LMCD1: variants seen among roughly 807,000 people sequenced by gnomAD.
The protein encoded by LMCD1 is LIM and cysteine-rich domains protein 1.
LMCD1 carries 32 observed loss-of-function variants against 42.7 expected under a neutral mutation model. That is an observed-to-expected ratio of 0.75 (90% CI 0.57 to 1.01). The LOEUF is 1.01. Ranked by LOEUF, LMCD1 falls within the 50% of genes least tolerant of loss-of-function variation. The pLI is 0.00. For missense variants in LMCD1, 458 were observed against 483.1 expected (o/e 0.95, Z 0.49); for synonymous variants, 178 against 184.9 (o/e 0.96, Z 0.30).
chr3:8,505,422 A>G (rs966080560), intron 1 of LMCD1, among the ~76,000 whole-genome samples: 1 of 152,218 alleles, frequency 6.6e-6, no homozygotes, highest in African/African-American at 2.4e-5. Flanking sequence ...GGAGTGCCTT[A>G]CTTTTTAGAT....
intron 1 of LMCD1, among the ~76,000 whole-genome samples, chr3:8,514,448 C>T (rs547337447): frequency 1.3e-5 from 2 of 152,276 alleles, no homozygotes; most frequent in South Asian, 4.1e-4. Context: ...GGAAAGCTGT[C>T]TGGTAGTATC....
In LMCD1 at chr3:8,555,186, T is replaced by TC. The variant is rs1462743231; in HGVS notation, c.723+6290dup. 5.0e-5 allele frequency among the ~76,000 whole-genome samples: 7 copies of TC among 140,476 alleles called. No individual in the cohort carries two copies. In the East Asian group the frequency reaches 6.8e-4, roughly 14 times the overall value. The allele number at this position is 140,476 out of a possible 152,430, so 92.2% of individuals were successfully genotyped here. On this transcript the variant is annotated intron_variant, in intron 4 of 5. Coordinates refer to ENST00000157600, the MANE Select transcript of LMCD1 (RefSeq NM_014583.4). Reference sequence around the variant, plus strand: ...GGACGGGAGGCCTCCGTCCCCTCCCTCCCCCCCGCCAAAGGTCTGCTTTTC... The same window carrying TC: ...GGACGGGAGGCCTCCGTCCCCTCCCTCCCCCCCCGCCAAAGGTCTGCTTTTC...
At chr3:8,521,714 G>A (rs1694208406) in intron 1 of LMCD1, among the ~76,000 whole-genome samples, 1 of 152,226 alleles carries the variant, frequency 6.6e-6, no homozygotes, top group South Asian at 2.1e-4. Flanking sequence ...GGGGCAGATA[G>A]TCTCCTATCT....
chr3:8,539,326 T>C (rs529092662), intron 3 of LMCD1, among the ~76,000 whole-genome samples: 5 of 152,336 alleles, frequency 3.3e-5, no homozygotes, highest in Admixed American at 3.3e-4. Context: ...TCAGCATCCA[T>C]GGACTCGATC....
chr3:8,508,634 T>C (rs1377291494), intron 1 of LMCD1, among the ~76,000 whole-genome samples: 1 of 152,158 alleles, frequency 6.6e-6, no homozygotes, highest in Non-Finnish European at 1.5e-5. Context: ...GGGGGAGAAA[T>C]GGCATATCTG....
At chr3:8,528,812 TGAGA>T (rs1694350526) in intron 1 of LMCD1, among the ~76,000 whole-genome samples, 1 of 152,164 alleles carries the variant, frequency 6.6e-6, no homozygotes, top group Non-Finnish European at 1.5e-5. Context: ...GGCAAATGCT[TGAGA>T]GAGGAGTCCC....
chr3:8,521,268 G>A (rs959895961), intron 1 of LMCD1, among the ~76,000 whole-genome samples: 5 of 152,100 alleles, frequency 3.3e-5, no homozygotes, highest in East Asian at 1.9e-4. Context: ...CAAGGAGCCC[G>A]TGTCCTGGGC....
intron 4 of LMCD1, among the ~76,000 whole-genome samples, chr3:8,551,442 T>C (rs916357380): frequency 3.6e-4 from 55 of 152,316 alleles, no homozygotes; most frequent in African/African-American, 1.3e-3. Context: ...TCTGGTAGGA[T>C]GAATTTTACC....
At chr3:8,504,504 C>T (rs1693835914) in intron 1 of LMCD1, among the ~76,000 whole-genome samples, 1 of 152,166 alleles carries the variant, frequency 6.6e-6, no homozygotes. Flanking sequence ...GGCGGGAATC[C>T]CCACCAACTG....
chr3:8,537,002 T>C (rs1183614300), intron 2 of LMCD1, among the ~76,000 whole-genome samples, 183 bp from the exon 3 acceptor site: 3 of 152,218 alleles, frequency 2.0e-5, no homozygotes, highest in Non-Finnish European at 2.9e-5. Flanking sequence ...ACAAACACTG[T>C]CATTTCCCAA....
chr3:8,536,527 T>C (rs1361794063), intron 2 of LMCD1, among the ~76,000 whole-genome samples: 1 of 152,176 alleles, frequency 6.6e-6, no homozygotes, highest in Non-Finnish European at 1.5e-5. Context: ...CTGGGTCCTG[T>C]TCACAAATTT....
chr3:8,541,984 A>G (rs1001255407), intron 3 of LMCD1, among the ~76,000 whole-genome samples: 4 of 149,392 alleles, frequency 2.7e-5, no homozygotes, highest in Admixed American at 1.3e-4. Flanking sequence ...TGACCATGCA[A>G]AGACAGAGAG....
chr3:8,567,139 C>A (rs1695143774), intron 5 of LMCD1, among the ~76,000 whole-genome samples: 1 of 152,134 alleles, frequency 6.6e-6, no homozygotes, highest in African/African-American at 2.4e-5. Flanking sequence ...GGTGTGTAAT[C>A]CCACCTTGGA....
intron 1 of LMCD1, 67 bp downstream of exon 1, chr3:8,502,047 G>C: frequency 6.8e-7 from 1 of 1,470,374 alleles, no homozygotes; most frequent in African/African-American, 1.4e-5. Flanking sequence ...CCATCTGTTC[G>C]CGGAAACTTC....
chr3:8,509,880 G>A (rs960328840), intron 1 of LMCD1, among the ~76,000 whole-genome samples: 1 of 152,196 alleles, frequency 6.6e-6, no homozygotes, highest in Admixed American at 6.5e-5. Flanking sequence ...GGAGGCTGAG[G>A]CAAGGGGGAC....
At chr3:8,534,513 C>A (rs544717626) in intron 2 of LMCD1, among the ~76,000 whole-genome samples, 1 of 152,274 alleles carries the variant, frequency 6.6e-6, no homozygotes, top group East Asian at 1.9e-4. Flanking sequence ...TTTGAAGAAT[C>A]CAAATAGGGA....
At chr3:8,521,109 T>C (rs1694197144) in intron 1 of LMCD1, among the ~76,000 whole-genome samples, 2 of 152,188 alleles carry the variant, frequency 1.3e-5, no homozygotes, top group South Asian at 4.1e-4. Context: ...TTCAGTCCAG[T>C]GGGGTCCCTT....
rs1559359788 is a variant in LMCD1, at chr3:8,568,520, T to C, written c.*922T>C. On this transcript the variant is annotated 3_prime_UTR_variant, in exon 6 of 6. Transcript: ENST00000157600. ...GTGCCACATGGGATGTGGTGACTAA[T>C]GTGGGCAGATCTTTAAAAATACAGC... is the stretch of plus-strand genomic sequence containing the variant. 6.6e-6 allele frequency: 1 copy of C among 152,236 alleles called. No homozygotes were observed. Among genetic ancestry groups the C allele is most frequent in the Non-Finnish European group, 1.5e-5 (1 of 68,048 alleles). 9.4% of individuals were successfully genotyped at this position (152,236 alleles called of 1,614,324 possible).
rs1471153896 is a variant in LMCD1 at position 8,549,828 on chromosome 3, C to T, written c.723+925C>T. The T allele has an allele frequency of 4.3e-6, 3 of 705,170 alleles. No homozygotes were observed. In the Admixed American group the frequency reaches 6.0e-5, roughly 14 times the overall value. The allele number at this position is 705,170 out of a possible 1,614,324, so 43.7% of individuals were successfully genotyped here. ...TGAGGTGGCTCAGGGCATCATGTGG[C>T]AAGGGGGCTGGGTGTGCTAACTCGG... On this transcript the variant is annotated intron_variant, in intron 4 of 5. Coordinates refer to ENST00000157600, the MANE Select transcript of LMCD1 (RefSeq NM_014583.4).
Sources: allele counts gnomAD v4.1 joint callset (sites outside exome capture counted in the v4.1 genomes callset), GRCh38; gene constraint gnomAD v4.1.1; transcripts MANE v1.5; gene names NCBI Gene and HGNC (gene_info 2026-07-23, HGNC 2026-07-21).